The following PRELID2 variants were observed in gnomAD, a reference collection of about 807,000 sequenced individuals.
The protein encoded by PRELID2 is PRELI domain-containing protein 2.
In PRELID2, 25 loss-of-function variants were observed where a neutral mutation model predicts 28.4. That is an observed-to-expected ratio of 0.88 (90% CI 0.64 to 1.23). PRELID2 has a LOEUF of 1.23. PRELID2 is among the 50% of genes most tolerant of loss of function. The pLI is 0.00. For missense variants in PRELID2, 201 were observed against 214.4 expected, an observed-to-expected ratio of 0.94 and a Z score of 0.39; for synonymous variants, 76 against 71.6, an observed-to-expected ratio of 1.06 and a Z score of -0.31.
chr5:145,414,589 G>C, the PRELID2 span, among the ~76,000 whole-genome samples: 2 of 152,162 alleles, frequency 1.3e-5, no homozygotes, highest in African/African-American at 4.8e-5. Context: ...AACTAGAAGA[G>C]TGGTAGATAT....
the PRELID2 span, among the ~76,000 whole-genome samples, chr5:145,279,160 G>A: frequency 6.6e-6 from 1 of 152,150 alleles, no homozygotes; most frequent in Non-Finnish European, 1.5e-5. Context: ...TTCCAGAATA[G>A]GAGGCTGATA....
intron 1 of PRELID2, among the ~76,000 whole-genome samples, chr5:145,567,133 C>A (rs1023050294): frequency 6.6e-6 from 1 of 151,936 alleles, no homozygotes; most frequent in Non-Finnish European, 1.5e-5. Flanking sequence ...TTTTCCCCAC[C>A]AAAATTCACA....
the PRELID2 span, among the ~76,000 whole-genome samples, chr5:145,235,150 C>G: frequency 6.6e-6 from 1 of 151,986 alleles, no homozygotes; most frequent in African/African-American, 2.4e-5. Context: ...CTTGTTATTG[C>G]TGCATAAATA....
At chr5:145,314,153 G>A in the PRELID2 span, among the ~76,000 whole-genome samples, 1 of 152,206 alleles carries the variant, frequency 6.6e-6, no homozygotes, top group Non-Finnish European at 1.5e-5. Context: ...AAACAGAGAT[G>A]TCTAGATAGT....
intron 1 of PRELID2, among the ~76,000 whole-genome samples, chr5:145,555,256 G>A (rs1333892231): frequency 1.3e-5 from 2 of 152,066 alleles, no homozygotes; most frequent in African/African-American, 4.8e-5. Flanking sequence ...ATATTCCTGA[G>A]GTCCCTTTTA....
At chr5:145,689,066 G>C (rs1339145114) in intron 1 of PRELID2, among the ~76,000 whole-genome samples, 1 of 152,192 alleles carries the variant, frequency 6.6e-6, no homozygotes, top group African/African-American at 2.4e-5. Context: ...CTACTTCAAT[G>C]GCTGGGAAAA....
chr5:145,502,863 T>C (rs546064102), intron 1 of PRELID2, among the ~76,000 whole-genome samples: 6 of 151,216 alleles, frequency 4.0e-5, no homozygotes, highest in Non-Finnish European at 5.9e-5. Context: ...TTTTCTGCCG[T>C]GTCTGTATAG....
At chr5:145,737,379 C>T (rs1756525549) in intron 1 of PRELID2, among the ~76,000 whole-genome samples, 1 of 151,102 alleles carries the variant, frequency 6.6e-6, no homozygotes, top group African/African-American at 2.4e-5. Flanking sequence ...TTTCAACTTA[C>T]AAAAAGTCAG....
downstream of PRELID2, among the ~76,000 whole-genome samples, chr5:145,753,632 A>G (rs1757182715): frequency 6.6e-6 from 1 of 152,102 alleles, no homozygotes; most frequent in Admixed American, 6.5e-5. Context: ...GGTAGGAATA[A>G]CTGCCCATGG....
the PRELID2 span, among the ~76,000 whole-genome samples, chr5:145,423,340 TG>T: frequency 6.6e-6 from 1 of 151,638 alleles, no homozygotes; most frequent in Non-Finnish European, 1.5e-5. Context: ...TTTTCCAACT[TG>T]GTTCCATTCT....
chr5:145,483,535 C>T (rs571745703), intron 1 of PRELID2, among the ~76,000 whole-genome samples: 1 of 152,304 alleles, frequency 6.6e-6, no homozygotes, highest in Admixed American at 6.5e-5. Flanking sequence ...CTAATAAATT[C>T]TGCTTTTATC....
intron 1 of PRELID2, among the ~76,000 whole-genome samples, chr5:145,640,557 T>C (rs1581020321): frequency 7.0e-6 from 1 of 142,788 alleles, no homozygotes; most frequent in South Asian, 2.2e-4. Context: ...GGCAGGAGAA[T>C]GGTGTGAACC....
intron 1 of PRELID2, among the ~76,000 whole-genome samples, chr5:145,646,815 C>T (rs541809670): frequency 5.3e-5 from 8 of 152,336 alleles, no homozygotes; most frequent in African/African-American, 1.7e-4. Context: ...AGGTCCACTC[C>T]AGACCCTGTT....
intron 1 of PRELID2, among the ~76,000 whole-genome samples, chr5:145,726,957 A>C (rs1389355843): frequency 1.3e-5 from 2 of 152,182 alleles, no homozygotes; most frequent in African/African-American, 4.8e-5. Flanking sequence ...GGGGTGATGA[A>C]GTCCAGTGGA....
chr5:145,740,133 A>G (rs1756615104), intron 1 of PRELID2, among the ~76,000 whole-genome samples: 1 of 149,902 alleles, frequency 6.7e-6, no homozygotes, highest in South Asian at 2.1e-4. Flanking sequence ...AAGTAAAAAG[A>G]TTTAAGTATA....
At chr5:145,551,943 A>T (rs997364557) in intron 1 of PRELID2, among the ~76,000 whole-genome samples, 6 of 152,096 alleles carry the variant, frequency 3.9e-5, no homozygotes, top group African/African-American at 1.4e-4. Context: ...CCCCAACCTC[A>T]TTCTCCTCCC....
chr5:145,732,001 G>C (rs1167841824), intron 1 of PRELID2, among the ~76,000 whole-genome samples: 4 of 152,188 alleles, frequency 2.6e-5, no homozygotes, highest in African/African-American at 9.7e-5. Context: ...CTGCATACCA[G>C]TCTGGACATT....
At chr5:145,617,110 C>G (rs1272094608) in intron 1 of PRELID2, among the ~76,000 whole-genome samples, 10 of 152,186 alleles carry the variant, frequency 6.6e-5, no homozygotes, top group Non-Finnish European at 1.2e-4. Context: ...CTCTTGTTCC[C>G]TGAACATTGC....
chr5:145,547,918 T>C (rs1561503845), intron 1 of PRELID2, among the ~76,000 whole-genome samples: 1 of 152,196 alleles, frequency 6.6e-6, no homozygotes. Flanking sequence ...CCATTTGACA[T>C]GCAAGAATCT....
Sources: gnomAD v4.1 joint callset for allele counts (sites outside exome capture counted in the v4.1 genomes callset) on GRCh38, gnomAD v4.1.1 for gene constraint, MANE v1.5 for transcripts, NCBI Gene and HGNC (gene_info 2026-07-23, HGNC 2026-07-21) for gene names.